Variants in SRGAP1 observed in about 807,000 individuals in gnomAD.
SRGAP1 encodes the protein SLIT-ROBO Rho GTPase activating protein 1, also known as SLIT-ROBO Rho GTPase-activating protein 1.
A neutral mutation model predicts 121.9 loss-of-function variants in SRGAP1; 43 were observed. That is an observed-to-expected ratio of 0.35 (90% CI 0.28 to 0.46). The LOEUF (loss-of-function observed/expected upper bound fraction) is 0.46. SRGAP1 is among the 20% of genes least tolerant of loss of function. The probability of loss-of-function intolerance (pLI) is 1.00; values close to 1 mark genes in which losing one functional copy is unlikely to be tolerated. For missense variants in SRGAP1, 1,102 were observed against 1,350.9 expected (o/e 0.82, Z 2.89); for synonymous variants, 447 against 485.4 (o/e 0.92, Z 1.04).
chr12:64,129,953 A>G (rs61931226), intron 21 of SRGAP1, among the ~76,000 whole-genome samples: 111 of 152,162 alleles, frequency 7.3e-4, no homozygotes, highest in Non-Finnish European at 1.3e-3. Context: ...CTTTGCCTTC[A>G]GCAAGCACCT....
At chr12:63,896,068 C>A (rs1199820255) in intron 1 of SRGAP1, among the ~76,000 whole-genome samples, 2 of 152,106 alleles carry the variant, frequency 1.3e-5, no homozygotes, top group Non-Finnish European at 2.9e-5. Context: ...GCCAGCTCTG[C>A]CACATACTCA....
chr12:64,038,157 T>A (rs1413030204), intron 4 of SRGAP1, among the ~76,000 whole-genome samples: 1 of 152,212 alleles, frequency 6.6e-6, no homozygotes, highest in African/African-American at 2.4e-5. Flanking sequence ...GGTACTTATT[T>A]CATAAGAGTT....
chr12:64,079,880 C>T (rs958962620), intron 9 of SRGAP1, among the ~76,000 whole-genome samples: 3 of 152,126 alleles, frequency 2.0e-5, no homozygotes, highest in Admixed American at 1.3e-4. Flanking sequence ...AAGTTTCTGG[C>T]GTCTAGAAGA....
At chr12:63,939,196 T>C (rs1179299578) in intron 1 of SRGAP1, among the ~76,000 whole-genome samples, 2 of 151,052 alleles carry the variant, frequency 1.3e-5, no homozygotes, top group Non-Finnish European at 2.9e-5. Context: ...GGTCAATTAG[T>C]ATACCAATTC....
intron 6 of SRGAP1, among the ~76,000 whole-genome samples, chr12:64,048,320 A>C (rs1365187209): frequency 6.6e-6 from 1 of 152,150 alleles, no homozygotes; most frequent in Non-Finnish European, 1.5e-5. Context: ...TGTTGTTGCA[A>C]ATGACAGGAT....
intron 14 of SRGAP1, 73 bp from the exon 15 acceptor site, chr12:64,097,168 G>A (rs2136593949): frequency 2.7e-6 from 4 of 1,459,454 alleles, no homozygotes; most frequent in South Asian, 1.3e-5. Context: ...CAACGTGTAT[G>A]TTCATAGAAA....
chr12:64,010,642 G>T (rs934821662), intron 3 of SRGAP1, among the ~76,000 whole-genome samples: 1 of 152,066 alleles, frequency 6.6e-6, no homozygotes, highest in East Asian at 1.9e-4. Context: ...CAATTGTTAG[G>T]ATGTGGTCCC....
chr12:63,973,496 G>A (rs2033013909), intron 1 of SRGAP1, among the ~76,000 whole-genome samples: 2 of 152,050 alleles, frequency 1.3e-5, no homozygotes, highest in African/African-American at 4.8e-5. Context: ...CCACATAATA[G>A]GATTGCTGTA....
chr12:63,905,509 G>C (rs2030158044), intron 1 of SRGAP1, among the ~76,000 whole-genome samples: 1 of 152,198 alleles, frequency 6.6e-6, no homozygotes, highest in Admixed American at 6.6e-5. Flanking sequence ...ACATACTGGG[G>C]AATCTGAAAG....
intron 1 of SRGAP1, among the ~76,000 whole-genome samples, chr12:63,882,384 C>A (rs1900222689): frequency 6.6e-6 from 1 of 152,092 alleles, no homozygotes; most frequent in African/African-American, 2.4e-5. Context: ...TGGGTTCAAG[C>A]AATTCTCCTG....
chr12:63,920,196 TGGTG>T (rs2030984376), intron 1 of SRGAP1, among the ~76,000 whole-genome samples: 1 of 152,246 alleles, frequency 6.6e-6, no homozygotes, highest in African/African-American at 2.4e-5. Flanking sequence ...TTTGCCAGTC[TGGTG>T]GGTATAACAT....
Position 63,886,905 on chromosome 12 carries a change from G to A in SRGAP1, c.67+42022G>A, listed in dbSNP as rs569860608. Among the ~76,000 whole-genome samples the A allele has an allele frequency of 1.1e-4, 16 of 152,090 alleles. No homozygotes were observed. The South Asian group carries it at 1.2e-3, about 12-fold the overall frequency. ...GTTTTTGTTTTTGAGATGGAGTCTC[G>A]CTCTGTCTCCCAGGCTAGAGTGCAA... On this transcript the variant is annotated intron_variant, in intron 1 of 21. Coordinates refer to ENST00000355086, the MANE Select transcript of SRGAP1 (RefSeq NM_020762.4).
intron 21 of SRGAP1, among the ~76,000 whole-genome samples, chr12:64,132,544 C>T (rs1435198423): frequency 6.6e-6 from 1 of 152,212 alleles, no homozygotes; most frequent in South Asian, 2.1e-4. Flanking sequence ...AGGGGCCAAA[C>T]GCAGCAACTT....
chr12:64,120,541 G>A (rs895117229), intron 18 of SRGAP1: 1 of 152,132 alleles, frequency 6.6e-6, no homozygotes, highest in Non-Finnish European at 1.5e-5. Context: ...ACAATCTATG[G>A]AGAGGTATTG....
chr12:63,865,677 T>C (rs1003039915), intron 1 of SRGAP1, among the ~76,000 whole-genome samples: 1 of 152,188 alleles, frequency 6.6e-6, no homozygotes, highest in African/African-American at 2.4e-5. Flanking sequence ...TTTTGAAGCG[T>C]TGGTCGAGTG....
chr12:64,146,782 G>C lies in SRGAP1; in HGVS notation c.*4110G>C, dbSNP rs1267188694. ...CAAGTTGAGAACACAAGCTCCAGCTGGGCTGGAGAGTCAGGCTTGGTGCAG... is the reference window on the plus strand; with the variant it reads ...CAAGTTGAGAACACAAGCTCCAGCTCGGCTGGAGAGTCAGGCTTGGTGCAG... On this transcript the variant is annotated 3_prime_UTR_variant, in exon 22 of 22. Coordinates refer to ENST00000355086, the MANE Select transcript of SRGAP1 (RefSeq NM_020762.4). 1 of 152,036 alleles carries C rather than the reference G, an allele frequency of 6.6e-6. No homozygotes were observed. Among genetic ancestry groups the C allele is most frequent in the African/African-American group, 2.4e-5 (1 of 41,372 alleles). The allele number at this position is 152,036 out of a possible 1,614,324, so 9.4% of individuals were successfully genotyped here. A position where few individuals can be genotyped will look rare whatever the true frequency, so the allele number is the denominator to read the frequency against.
intron 1 of SRGAP1, among the ~76,000 whole-genome samples, chr12:63,934,915 CAT>C (rs2031612639): frequency 1.3e-5 from 2 of 152,086 alleles, no homozygotes; most frequent in Non-Finnish European, 2.9e-5. Flanking sequence ...TCAATGTAGA[CAT>C]GTTTGTTCTT....
chr12:64,075,477 T>C (rs1425306029), intron 8 of SRGAP1, among the ~76,000 whole-genome samples: 1 of 152,230 alleles, frequency 6.6e-6, no homozygotes. Context: ...ATGGCCAGTT[T>C]TGGGGCCAGT....
chr12:64,010,741 A>C (rs1198822855), intron 3 of SRGAP1, among the ~76,000 whole-genome samples: 1 of 152,070 alleles, frequency 6.6e-6, no homozygotes, highest in Non-Finnish European at 1.5e-5. Flanking sequence ...GGACCATCTC[A>C]ATAAAACCCT....
Sources: gnomAD v4.1 joint callset for allele counts (sites outside exome capture counted in the v4.1 genomes callset) on GRCh38, gnomAD v4.1.1 for gene constraint, MANE v1.5 for transcripts, NCBI Gene and HGNC (gene_info 2026-07-23, HGNC 2026-07-21) for gene names.